Variants in SIGLEC1 observed in about 807,000 individuals in gnomAD.
SIGLEC1 encodes the protein sialic acid binding Ig like lectin 1.
A neutral mutation model predicts 148.0 loss-of-function variants in SIGLEC1; 132 were observed. The ratio of observed to expected loss-of-function variants is 0.89; its 90% CI spans 0.77 to 1.03. The LOEUF (loss-of-function observed/expected upper bound fraction) is 1.03. SIGLEC1 is among the 50% of genes least tolerant of loss of function. The pLI, the probability that SIGLEC1 is intolerant of heterozygous loss-of-function variation, is 0.00. For missense variants in SIGLEC1, 2,253 were observed against 2,271.4 expected (o/e 0.99, Z 0.16); for synonymous variants, 945 against 969.0 (o/e 0.98, Z 0.46).
Position 3,696,595 on chromosome 20 carries a change from GGAA to G in SIGLEC1, c.2671_2673del (p.Phe891del), listed in dbSNP as rs1204830985. The G allele has an allele frequency of 6.2e-7, 1 of 1,607,730 alleles. No homozygotes were observed. Among genetic ancestry groups the G allele is most frequent in the African/African-American group, 1.3e-5 (1 of 74,998 alleles). ...GAAGACTGACACTCACCTCGGACCTGGAAGAAGAGTGAGGTGTTGGATGATCCA... is the reference window on the plus strand; with the variant it reads ...GAAGACTGACACTCACCTCGGACCTGGAAGAGTGAGGTGTTGGATGATCCA... On this transcript the variant is annotated inframe_deletion, in exon 11 of 22. Transcript: ENST00000344754.
intron 20 of SIGLEC1, 98 bp downstream of exon 20, chr20:3,689,502 T>C (rs1298205976): frequency 4.9e-6 from 4 of 812,022 alleles, no homozygotes; most frequent in Admixed American, 2.6e-5. Context: ...GCCTGTGAAC[T>C]TAATAGGAGG....
rs778303581 is a variant in SIGLEC1 at position 3,694,323 on chromosome 20, G to T, written c.3154C>A (p.Leu1052Met). The change falls in exon 13 of 22, where the codon CTG (leucine) becomes ATG (methionine). Residue 1052 changes from leucine (L) to methionine (M), a missense_variant. Transcript: ENST00000344754. The part of the protein sequence containing the change: ...HVAVAPNTLR[L>M]EIHGAMLEDE... ...TCCAGCATAGCCCCGTGGATCTCCA[G>T]ACGCAGTGTGTTGGGGGCCACAGCC... 4 of 1,613,190 alleles carry T rather than the reference G, an allele frequency of 2.5e-6. No homozygotes were observed. In the East Asian group the frequency reaches 6.7e-5, roughly 27 times the overall value.
chr20:3,703,816 A>G lies in SIGLEC1; in HGVS notation c.973+9T>C, dbSNP rs757820194. The G allele has an allele frequency of 2.8e-5, 45 of 1,613,564 alleles. No individual in the cohort carries two copies. The highest frequency in any genetic ancestry group is 3.3e-5 in the Non-Finnish European group (39 of 1,179,982). ...CTCTGGCCAATACGCAACCTTCCCA[A>G]GAACTCACTGAAGATGTGGAGGCTG... On this transcript the variant is annotated intron_variant, in intron 5 of 21. Coordinates refer to ENST00000344754, the MANE Select transcript of SIGLEC1 (RefSeq NM_023068.4).
chr20:3,711,919 C>T (rs1365259736), intron 1 of SIGLEC1, among the ~76,000 whole-genome samples: 1 of 151,998 alleles, frequency 6.6e-6, no homozygotes, highest in Non-Finnish European at 1.5e-5. Context: ...TGGGCTGGGG[C>T]TGAGGTCAGG....
At chr20:3,691,210 G>A in intron 18 of SIGLEC1, 130 bp downstream of exon 18, 2 of 1,126,114 alleles carry the variant, frequency 1.8e-6, no homozygotes, top group South Asian at 2.9e-5. Flanking sequence ...GACAGCGGGA[G>A]AGCCAGGATT....
rs776966927 is a variant in SIGLEC1 at position 3,703,958 on chromosome 20, C to T, written c.840G>A (p.Gly280=). ...AVSSIKWLKD[G]VRLQTKTGVL... ...CACCAGTCTTGGTTTGGAGGCGTAC[C>T]CCATCCTTGAGCCACTTAATGGAAC... is the stretch of plus-strand genomic sequence containing the variant. The change falls in exon 5 of 22, where the codon GGG becomes GGA. Residue 280 remains glycine (G), a synonymous_variant. Transcript: ENST00000344754. The T allele has an allele frequency of 6.2e-7, 1 of 1,612,944 alleles. No homozygotes were observed.
Position 3,687,178 on chromosome 20 carries a change from A to G in SIGLEC1, c.*1382T>C, listed in dbSNP as rs1046919. ...CTCTCTGTTTTTCAACCCAAATCCT[A>G]GAGCAGAGGGCTCTTCGCTCCTCAC... On this transcript the variant is annotated 3_prime_UTR_variant, in exon 22 of 22. Transcript: ENST00000344754. 29,393 of 152,182 alleles carry G rather than the reference A, an allele frequency of 0.19. 2,937 individuals are homozygous for G. Among genetic ancestry groups the G allele is most frequent in the East Asian group, 0.37 (1,920 of 5,166 alleles). The allele number at this position is 152,182 out of a possible 1,614,324, so 9.4% of individuals were successfully genotyped here.
chr20:3,692,791 G>C lies in SIGLEC1; in HGVS notation c.3779-19C>G. ...CGCACACCTGTGCCAAGGAGGCCAGGATCAGCCGGGCCCAGCCGGACACCA... is the reference window on the plus strand; with the variant it reads ...CGCACACCTGTGCCAAGGAGGCCAGCATCAGCCGGGCCCAGCCGGACACCA... On this transcript the variant is annotated intron_variant, in intron 15 of 21. Coordinates refer to ENST00000344754, the MANE Select transcript of SIGLEC1 (RefSeq NM_023068.4). The C allele has an allele frequency of 1.2e-6, 2 of 1,604,110 alleles. No individual in the cohort carries two copies. Among genetic ancestry groups the C allele is most frequent in the Non-Finnish European group, 1.7e-6 (2 of 1,175,214 alleles).
rs1221326298 is a variant in SIGLEC1, at chr20:3,705,738, A to G, written c.706+6T>C. On this transcript the variant is annotated splice_donor_region_variant and intron_variant, in intron 4 of 21. Transcript: ENST00000344754. ...AGCCACAAGGGTGTGTCCCCAGACA[A>G]CTCACACTTCACTTGGAGGTGAATC... 1 of 1,600,266 alleles carries G rather than the reference A, an allele frequency of 6.2e-7. No individual in the cohort carries two copies.
chr20:3,695,177 G>A (rs963475047), intron 11 of SIGLEC1, among the ~76,000 whole-genome samples: 1 of 152,154 alleles, frequency 6.6e-6, no homozygotes, highest in Non-Finnish European at 1.5e-5. Flanking sequence ...GTCATATCTC[G>A]CCTACCAAAG....
Position 3,705,926 on chromosome 20 carries a change from C to T in SIGLEC1, c.524G>A (p.Trp175Ter). The change falls in exon 4 of 22, where the codon TGG becomes TAG. Residue 175 changes from tryptophan to a stop codon, truncating the protein, a stop_gained. Transcript: ENST00000344754. LOFTEE classifies it high-confidence loss of function. The part of the protein sequence containing the change: ...VCLQEQVRLQ[W>*]QGQDPARSVT... ...AGAGCGAGCAGGGTCCTGGCCTTGC[C>T]ACTGCAGTCTGACCTGCTCCTGCAG... The T allele has an allele frequency of 6.2e-7, 1 of 1,614,152 alleles. No homozygotes were observed. The highest frequency in any genetic ancestry group is 8.5e-7 in the Non-Finnish European group (1 of 1,180,042).
In SIGLEC1 at chr20:3,692,867, A is replaced by G; in HGVS notation, c.3773T>C (p.Leu1258Pro). The change falls in exon 15 of 22, where the codon CTG becomes CCG. Residue 1258 changes from leucine to proline, a missense_variant. Coordinates refer to ENST00000344754, the MANE Select transcript of SIGLEC1 (RefSeq NM_023068.4). The stretch of plus-strand genomic sequence containing the variant: ...TGGCCTAGGCCCTGCCTTACCCTCC[A>G]GCCGCAGCTCCAGGGACGTGTTGGC... ...GQANTSLELR[L>P]EGVRVILAPE... 6.2e-7 allele frequency: 1 copy of G among 1,608,850 alleles called. No individual in the cohort carries two copies.
intron 18 of SIGLEC1, among the ~76,000 whole-genome samples, chr20:3,690,521 G>GCTTCCCAA (rs2088748078): frequency 6.6e-6 from 1 of 152,250 alleles, no homozygotes; most frequent in Non-Finnish European, 1.5e-5. Flanking sequence ...AGGCCAGCCT[G>GCTTCCCAA]CTGGGCACAT....
In SIGLEC1 at chr20:3,697,126, G is replaced by A; in HGVS notation, c.2339C>T (p.Ala780Val). The change falls in exon 10 of 22, where the codon GCT becomes GTT. Residue 780 changes from alanine (A) to valine (V), a missense_variant. By Grantham distance (64) the Ala-to-Val change is moderately conservative (BLOSUM62 0). Transcript: ENST00000344754. ...CACGGGAGTGGAGAGCTGGGCACCA[G>A]CCTCAGTCAGGATGCGGCAGGCGTA... ...ALYACRILTE[A>V]GAQLSTPVLL... 1 of 1,613,292 alleles carries A rather than the reference G, an allele frequency of 6.2e-7. No individual in the cohort carries two copies. Among genetic ancestry groups the A allele is most frequent in the Non-Finnish European group, 8.5e-7 (1 of 1,179,972 alleles).
Position 3,706,698 on chromosome 20 carries a change from AGGCCT to A in SIGLEC1, c.53_57del (p.Gln18LeufsTer102). Reference sequence around the variant, plus strand: ...TCCTGGGGACTGGAGACGCCCCATGAGGCCTGGCCTGGGGGAAGAACGGCAGGGGG... The same window carrying A: ...TCCTGGGGACTGGAGACGCCCCATGAGGCCTGGGGGAAGAACGGCAGGGGG... On this transcript the variant is annotated frameshift_variant, in exon 3 of 22. Coordinates refer to ENST00000344754, the MANE Select transcript of SIGLEC1 (RefSeq NM_023068.4). LOFTEE classifies it high-confidence loss of function. The A allele has an allele frequency of 6.5e-7, 1 of 1,540,822 alleles. No individual in the cohort carries two copies. The highest frequency in any genetic ancestry group is 8.8e-7 in the Non-Finnish European group (1 of 1,138,546).
intron 7 of SIGLEC1, among the ~76,000 whole-genome samples, chr20:3,700,703 T>C (rs1447668589): frequency 9.9e-4 from 22 of 22,314 alleles, no homozygotes; most frequent in East Asian, 5.9e-3. Flanking sequence ...TTTTCTTTTT[T>C]TTTTTTTTTT....
chr20:3,706,096 C>T (rs2087891725), intron 3 of SIGLEC1, 56 bp from the exon 4 acceptor site: 3 of 1,557,246 alleles, frequency 1.9e-6, no homozygotes, highest in African/African-American at 1.4e-5. Flanking sequence ...TGAGATCCCT[C>T]GCCCTGGAAA....
chr20:3,691,738 ACCATGCCC>A, intron 17 of SIGLEC1, 138 bp from the exon 18 acceptor site: 1 of 1,348,306 alleles, frequency 7.4e-7, no homozygotes. Flanking sequence ...CCAAGGTGGA[ACCATGCCC>A]CCTCCAGTGG....
Position 3,693,687 on chromosome 20 carries a change from G to A in SIGLEC1, c.3268C>T (p.Gln1090Ter). ...CGCACGGTAGCCCCGGGCCACACCT[G>A]CACATTCACAGCTGGGGAGAGGGAG... ...ADFDAQAVNV[Q>*]VWPGATVREG... The change falls in exon 14 of 22, where the codon CAG becomes TAG. Residue 1090 changes from glutamine (Q) to a stop codon, truncating the protein, a stop_gained. Transcript: ENST00000344754. LOFTEE classifies it high-confidence loss of function. The A allele has an allele frequency of 2.5e-6, 4 of 1,584,800 alleles. No individual in the cohort carries two copies. The highest frequency in any genetic ancestry group is 3.4e-6 in the Non-Finnish European group (4 of 1,163,564).
Sources: gnomAD v4.1 joint callset for allele counts (sites outside exome capture counted in the v4.1 genomes callset) on GRCh38, gnomAD v4.1.1 for gene constraint, MANE v1.5 for transcripts, NCBI Gene and HGNC (gene_info 2026-07-23, HGNC 2026-07-21) for gene names.